PFKFB1: variants seen among roughly 807,000 people sequenced by gnomAD.
PFKFB1 encodes 6-phosphofructo-2-kinase/fructose-2,6-bisphosphatase 1.
PFKFB1 carries 34 observed loss-of-function variants against 46.4 expected under a neutral mutation model. That is an observed-to-expected ratio of 0.73 (90% CI 0.56 to 0.98). PFKFB1 has a LOEUF of 0.98. Among genes scored for constraint, PFKFB1 ranks in the 50% least tolerant of loss-of-function variants. The pLI, the probability that PFKFB1 is intolerant of heterozygous loss-of-function variation, is 0.00. For synonymous variants in PFKFB1, 119 were observed against 133.8 expected, an observed-to-expected ratio of 0.89 and a Z score of 0.76; for missense variants, 393 against 376.3, an observed-to-expected ratio of 1.04 and a Z score of -0.37.
intron 6 of PFKFB1, among the ~76,000 whole-genome samples, chrX:54,957,316 C>T (rs1934180370): frequency 9.0e-6 from 1 of 111,330 alleles, no homozygotes; most frequent in Non-Finnish European, 1.9e-5. Context: ...GATTTCTGCC[C>T]CCATGCAAAG....
At chrX:54,995,239 C>G (rs1438764297), upstream of PFKFB1, among the ~76,000 whole-genome samples, 1 of 111,617 alleles carries the variant, frequency 9.0e-6, no homozygotes, top group African/African-American at 3.3e-5. Context: ...GCAACCTTCC[C>G]ACCCCCAATG....
In PFKFB1 at chrX:54,963,258, T is replaced by G. The variant is rs758125962; in HGVS notation, c.222A>C (p.Lys74Asn). Reference sequence around the variant, plus strand: ...GAACAAAGGCTTTCAGAGACATACCTTTAGTTGGTGTTCCTATCCAGTTGA... The same window carrying G: ...GAACAAAGGCTTTCAGAGACATACCGTTAGTTGGTGTTCCTATCCAGTTGA... ...RYLNWIGTPTKVFNLGQYRRE... is the reference protein window; with the variant it reads ...RYLNWIGTPTNVFNLGQYRRE... The change falls in exon 2 of 14, where the codon AAA becomes AAC. Residue 74 changes from lysine to asparagine, a missense_variant and splice_region_variant. Coordinates refer to ENST00000375006, the MANE Select transcript of PFKFB1 (RefSeq NM_002625.4). 2.5e-6 allele frequency: 3 copies of G among 1,208,247 alleles called. No individual in the cohort carries two copies. In the South Asian group the frequency reaches 5.3e-5, roughly 21 times the overall value.
At chrX:54,936,366 T>TTCC (rs1933388941) in intron 11 of PFKFB1, among the ~76,000 whole-genome samples, 1 of 62,204 alleles carries the variant, frequency 1.6e-5, no homozygotes, top group Non-Finnish European at 2.8e-5. Context: ...TTCACCTAAG[T>TTCC]AATGGGGTGG....
At chrX:54,941,062 G>A (rs1374614090) in intron 10 of PFKFB1, among the ~76,000 whole-genome samples, 1 of 111,714 alleles carries the variant, frequency 9.0e-6, no homozygotes, top group Non-Finnish European at 1.9e-5. Context: ...CAATGGAACA[G>A]AACAGAGCCT....
At position 54,959,902 on chromosome X, in the gene PFKFB1, G is replaced by A; in HGVS notation, c.318-9C>T. On this transcript the variant is annotated splice_polypyrimidine_tract_variant and intron_variant, in intron 3 of 13. Transcript: ENST00000375006. The stretch of plus-strand genomic sequence containing the variant: ...CTGCCAGGGCGCACTGCCTGAAATA[G>A]ACCAGGAAAGAAAAAGAGGCAACCC... 6 of 1,172,260 alleles carry A rather than the reference G, an allele frequency of 5.1e-6. No individual in the cohort carries two copies. The highest frequency in any genetic ancestry group is 7.0e-6 in the Non-Finnish European group (6 of 861,932).
intron 1 of PFKFB1, among the ~76,000 whole-genome samples, chrX:54,969,470 A>T (rs2146651195): frequency 8.9e-6 from 1 of 111,900 alleles, no homozygotes; most frequent in East Asian, 2.8e-4. Context: ...AACTGTAAGA[A>T]ATAAATCTCT....
intron 10 of PFKFB1, among the ~76,000 whole-genome samples, chrX:54,939,372 A>C (rs982192661): frequency 8.9e-6 from 1 of 111,996 alleles, no homozygotes; most frequent in African/African-American, 3.3e-5. Context: ...AGCTAGCAGA[A>C]GGCAAGAAAT....
At chrX:54,964,583 G>T (rs940921977) in intron 1 of PFKFB1, among the ~76,000 whole-genome samples, 1 of 111,317 alleles carries the variant, frequency 9.0e-6, no homozygotes, top group African/African-American at 3.3e-5. Flanking sequence ...GTTCAGGTTT[G>T]TTACCTGGGT....
intron 7 of PFKFB1, 42 bp downstream of exon 7, chrX:54,956,111 G>T (rs749487429): frequency 6.3e-6 from 6 of 957,890 alleles, no homozygotes; most frequent in Non-Finnish European, 8.9e-6. Context: ...ATCAAAACTG[G>T]GTGAAAGATC....
At chrX:54,989,199 C>A (rs1439963609) in intron 1 of PFKFB1, among the ~76,000 whole-genome samples, 1 of 111,334 alleles carries the variant, frequency 9.0e-6, no homozygotes, top group Non-Finnish European at 1.9e-5. Context: ...CTGTATACTT[C>A]AAAATGGTGA....
At chrX:54,993,432 G>T (rs988140403) in intron 1 of PFKFB1, among the ~76,000 whole-genome samples, 26 of 111,356 alleles carry the variant, frequency 2.3e-4, no homozygotes, top group African/African-American at 8.5e-4. Context: ...ATACTGACCA[G>T]TGACATGGCA....
intron 1 of PFKFB1, among the ~76,000 whole-genome samples, chrX:54,975,412 A>G (rs747757664): frequency 3.6e-5 from 4 of 110,679 alleles, no homozygotes; most frequent in Non-Finnish European, 7.6e-5. Context: ...GTTCTCACTT[A>G]TAAGTGGGAG....
At chrX:54,948,100 G>A (rs1053998800) in intron 9 of PFKFB1, among the ~76,000 whole-genome samples, 3 of 110,220 alleles carry the variant, frequency 2.7e-5, no homozygotes, top group Non-Finnish European at 5.7e-5. Flanking sequence ...TTTTTAAATT[G>A]TTTGTAGAGA....
At chrX:54,993,767 T>C in intron 1 of PFKFB1, 144 bp downstream of exon 1, 10 of 825,796 alleles carry the variant, frequency 1.2e-5, no homozygotes, top group Non-Finnish European at 1.7e-5. Context: ...TTTTTGACAC[T>C]AGCCTCTATT....
chrX:54,974,121 A>G (rs779198355), intron 1 of PFKFB1, among the ~76,000 whole-genome samples: 2 of 111,764 alleles, frequency 1.8e-5, no homozygotes, highest in Admixed American at 1.9e-4. Flanking sequence ...GCTGATCCTG[A>G]AACTCATATG....
chrX:54,958,940 T>A lies in PFKFB1; in HGVS notation c.385-15A>T. On this transcript the variant is annotated splice_polypyrimidine_tract_variant and intron_variant, in intron 4 of 13. Coordinates refer to ENST00000375006, the MANE Select transcript of PFKFB1 (RefSeq NM_002625.4). ...GCATCAAAAACCTAGAGGCAGGTAA[T>A]GAGATTGGCTTACTCTGAATCTGGT... 3.7e-6 allele frequency: 4 copies of A among 1,075,813 alleles called. No individual in the cohort carries two copies. The allele number at this position is 1,075,813 out of a possible 1,213,427, so 88.7% of individuals were successfully genotyped here.
intron 1 of PFKFB1, among the ~76,000 whole-genome samples, chrX:54,978,014 C>A (rs2146670821): frequency 9.0e-6 from 1 of 110,626 alleles, no homozygotes; most frequent in East Asian, 2.9e-4. Flanking sequence ...GTAGGTTCAT[C>A]ATTTGTAACA....
chrX:54,938,167 C>T (rs1039786942), intron 10 of PFKFB1, among the ~76,000 whole-genome samples: 1 of 111,919 alleles, frequency 8.9e-6, no homozygotes, highest in African/African-American at 3.2e-5. Context: ...TTTTAAAAAC[C>T]GTACGGAAGT....
chrX:54,937,615 T>A lies in PFKFB1; in HGVS notation c.1208A>T (p.Tyr403Phe). The A allele has an allele frequency of 8.3e-7, 1 of 1,209,765 alleles. No individual in the cohort carries two copies. The highest frequency in any genetic ancestry group is 1.1e-6 in the Non-Finnish European group (1 of 893,983). Residue 403 changes from tyrosine (Y) to phenylalanine (F), a missense_variant, in exon 11 of 14, where the codon TAT (tyrosine) becomes TTT (phenylalanine). By Grantham distance (22) the Tyr-to-Phe change is conservative. Transcript: ENST00000375006. ...HQAVMRCLLA[Y>F]FLDKSSDELP... Reference sequence around the variant, plus strand: ...AGTACCTGAACTTTTATCCAGGAAATAGGCCAGGAGGCACCGCATGACAGC... The same window carrying A: ...AGTACCTGAACTTTTATCCAGGAAAAAGGCCAGGAGGCACCGCATGACAGC...
Sources: gnomAD v4.1 joint callset for allele counts (sites outside exome capture counted in the v4.1 genomes callset) on GRCh38, gnomAD v4.1.1 for gene constraint, MANE v1.5 for transcripts, NCBI Gene and HGNC (gene_info 2026-07-23, HGNC 2026-07-21) for gene names.